RCOR1: variants seen among roughly 807,000 people sequenced by gnomAD.
RCOR1 encodes REST corepressor 1.
Under a neutral mutation model 64.0 loss-of-function variants are expected in RCOR1, and 12 were observed. The ratio of observed to expected loss-of-function variants is 0.19; its 90% CI spans 0.12 to 0.30. The LOEUF (loss-of-function observed/expected upper bound fraction) is 0.30. RCOR1 is among the 10% of genes least tolerant of loss of function. The pLI, the probability that RCOR1 is intolerant of heterozygous loss-of-function variation, is 1.00. For missense variants in RCOR1, 502 were observed against 621.2 expected, an observed-to-expected ratio of 0.81 and a Z score of 2.04; for synonymous variants, 279 against 227.2, an observed-to-expected ratio of 1.23 and a Z score of -2.05.
chr14:102,610,870 A>G (rs992856175), intron 2 of RCOR1, among the ~76,000 whole-genome samples: 5 of 151,562 alleles, frequency 3.3e-5, no homozygotes, highest in Non-Finnish European at 4.4e-5. Flanking sequence ...CTTCGTTATT[A>G]TTAATTTTTA....
rs1894786023 is a variant in RCOR1, at chr14:102,659,315, A to C, written c.362-22580A>C. ...TCTCATCTGATCAGCATTTATAAAT[A>C]GTGAGGTACCAGAATCATTAAGGCT... On this transcript the variant is annotated intron_variant, in intron 2 of 11. Coordinates refer to ENST00000262241, the MANE Select transcript of RCOR1 (RefSeq NM_015156.4). The C allele has an allele frequency of 5.2e-6, 5 of 969,676 alleles. No individual in the cohort carries two copies. The South Asian group carries it at 2.4e-4, about 46-fold the overall frequency. 60.1% of individuals were successfully genotyped at this position (969,676 alleles called of 1,614,324 possible). A position where few individuals can be genotyped will look rare whatever the true frequency, so the allele number is the denominator to read the frequency against.
intron 2 of RCOR1, among the ~76,000 whole-genome samples, chr14:102,599,761 C>T (rs1243672518): frequency 1.3e-5 from 2 of 149,542 alleles, no homozygotes; most frequent in Non-Finnish European, 3.0e-5. Flanking sequence ...TGCTTTAGAT[C>T]ATTGTAAAAA....
At chr14:102,696,838 G>T (rs1895662074) in intron 3 of RCOR1, among the ~76,000 whole-genome samples, 2 of 137,930 alleles carry the variant, frequency 1.5e-5, no homozygotes, top group African/African-American at 2.7e-5. Flanking sequence ...TTTTATAAGG[G>T]TAGCTGGGAA....
chr14:102,597,238 G>A (rs1040135739), intron 2 of RCOR1, among the ~76,000 whole-genome samples: 1 of 152,018 alleles, frequency 6.6e-6, no homozygotes, highest in Admixed American at 6.6e-5. Flanking sequence ...AGAGGTGGAC[G>A]TGAAACTTAA....
chr14:102,683,365 C>T (rs1042332665), intron 3 of RCOR1, among the ~76,000 whole-genome samples: 3 of 152,270 alleles, frequency 2.0e-5, no homozygotes, highest in Admixed American at 6.5e-5. Context: ...GCCTTTGAAA[C>T]GGACCCTTGT....
chr14:102,657,331 AC>A, intron 2 of RCOR1: 1 of 985,336 alleles, frequency 1.0e-6, no homozygotes, highest in South Asian at 4.7e-5. Context: ...GTAATGGCAT[AC>A]TGGTTCATTT....
intron 11 of RCOR1, 39 bp from the exon 12 acceptor site, chr14:102,726,429 C>G (rs1392098543): frequency 2.1e-6 from 3 of 1,417,536 alleles, no homozygotes; most frequent in South Asian, 2.4e-5. Flanking sequence ...TTTACCTACT[C>G]TTTGATCCTT....
At chr14:102,623,387 A>ATTTT (rs1555462469) in intron 2 of RCOR1, among the ~76,000 whole-genome samples, 4 of 124,836 alleles carry the variant, frequency 3.2e-5, no homozygotes, top group South Asian at 2.3e-4. Flanking sequence ...TTATTTATTT[A>ATTTT]TTATTTATTT....
chr14:102,645,173 C>A (rs1894456075), intron 2 of RCOR1, among the ~76,000 whole-genome samples: 1 of 152,092 alleles, frequency 6.6e-6, no homozygotes, highest in South Asian at 2.1e-4. Context: ...TTGTGTGTCA[C>A]CAGCCTTAGT....
chr14:102,592,990 CGGCCGCCTG>C lies in RCOR1; in HGVS notation c.105_113del (p.Ala37_Ala39del). The C allele has an allele frequency of 1.7e-6, 2 of 1,164,948 alleles. No individual in the cohort carries two copies. The highest frequency in any genetic ancestry group is 6.9e-5 in the South Asian group (2 of 28,796). The allele number at this position is 1,164,948 out of a possible 1,614,324, so 72.2% of individuals were successfully genotyped here. Reference sequence around the variant, plus strand: ...GCCGCCGCCGCCTCCGCCGCCGCCTCGGCCGCCTGCGCCTCGCCAGCCGCCACTGCCGCC... The same window carrying C: ...GCCGCCGCCGCCTCCGCCGCCGCCTCCGCCTCGCCAGCCGCCACTGCCGCC... On this transcript the variant is annotated inframe_deletion, in exon 1 of 12. Transcript: ENST00000262241.
At chr14:102,691,971 G>A (rs1218056991) in intron 3 of RCOR1, among the ~76,000 whole-genome samples, 1 of 152,122 alleles carries the variant, frequency 6.6e-6, no homozygotes, top group Non-Finnish European at 1.5e-5. Flanking sequence ...TTTTCAAAGT[G>A]GTCAAACTGG....
chr14:102,649,889 T>TGA, intron 2 of RCOR1: 1 of 634,686 alleles, frequency 1.6e-6, no homozygotes, highest in Non-Finnish European at 2.0e-6. Context: ...TGAAGAAAGG[T>TGA]GAGAGCTTAA....
At chr14:102,643,953 G>A (rs562668718) in intron 2 of RCOR1, among the ~76,000 whole-genome samples, 3 of 152,202 alleles carry the variant, frequency 2.0e-5, no homozygotes, top group South Asian at 4.2e-4. Context: ...AGTTATTACC[G>A]CCTAACAACT....
chr14:102,703,507 A>G (rs1895788765), intron 4 of RCOR1, among the ~76,000 whole-genome samples: 1 of 152,220 alleles, frequency 6.6e-6, no homozygotes, highest in Non-Finnish European at 1.5e-5. Flanking sequence ...TTATTAGGGT[A>G]TTTCTTGTCA....
At chr14:102,710,909 T>G (rs780186697) in intron 6 of RCOR1, 26 bp from the exon 7 acceptor site, 11 of 1,524,656 alleles carry the variant, frequency 7.2e-6, no homozygotes, top group Non-Finnish European at 9.9e-6. Context: ...AAAATAATCA[T>G]TCAGTAACTT....
chr14:102,722,583 C>G (rs144002874), intron 11 of RCOR1, among the ~76,000 whole-genome samples, 167 bp downstream of exon 11: 176 of 152,282 alleles, frequency 1.2e-3, no homozygotes, highest in African/African-American at 4.1e-3. Context: ...GACTCCAGTT[C>G]TTGGTGCCTG....
chr14:102,688,421 G>A (rs1468311670), intron 3 of RCOR1, among the ~76,000 whole-genome samples: 6 of 152,176 alleles, frequency 3.9e-5, no homozygotes, highest in Admixed American at 3.3e-4. Flanking sequence ...ATCTCTTGAC[G>A]GAGTTTTAGC....
chr14:102,707,294 T>A, intron 4 of RCOR1, 57 bp from the exon 5 acceptor site: 1 of 1,424,346 alleles, frequency 7.0e-7, no homozygotes, highest in Non-Finnish European at 9.5e-7. Context: ...GCTGGTCTCA[T>A]TTCCATTTTC....
chr14:102,635,754 C>T (rs1460764880), intron 2 of RCOR1, among the ~76,000 whole-genome samples: 3 of 151,726 alleles, frequency 2.0e-5, no homozygotes, highest in African/African-American at 7.3e-5. Context: ...TTGGTCGAGT[C>T]CTGGAAGTGG....
Sources: allele counts gnomAD v4.1 joint callset (sites outside exome capture counted in the v4.1 genomes callset), GRCh38; gene constraint gnomAD v4.1.1; transcripts MANE v1.5; gene names NCBI Gene and HGNC (gene_info 2026-07-23, HGNC 2026-07-21).